PLCB1: variants seen among roughly 807,000 people sequenced by gnomAD.
PLCB1 encodes the protein 1-phosphatidylinositol 4,5-bisphosphate phosphodiesterase beta-1.
Under a neutral mutation model 161.8 loss-of-function variants are expected in PLCB1, and 46 were observed. The ratio of observed to expected loss-of-function variants is 0.28; its 90% CI spans 0.22 to 0.36. The LOEUF is 0.36. Ranked by LOEUF, PLCB1 falls within the 10% of genes least tolerant of loss-of-function variation. The pLI is 1.00. For missense variants in PLCB1, 1,016 were observed against 1,472.5 expected, an observed-to-expected ratio of 0.69 and a Z score of 5.07; for synonymous variants, 517 against 503.7, an observed-to-expected ratio of 1.03 and a Z score of -0.35.
chr20:8,732,716 C>A (rs1980325798), intron 18 of PLCB1, among the ~76,000 whole-genome samples: 2 of 138,952 alleles, frequency 1.4e-5, no homozygotes, highest in East Asian at 2.0e-4. Flanking sequence ...ATATATCATT[C>A]TAATATATCT....
At chr20:8,873,169 T>C (rs1305887309) in intron 31 of PLCB1, among the ~76,000 whole-genome samples, 2 of 152,212 alleles carry the variant, frequency 1.3e-5, no homozygotes, top group African/African-American at 4.8e-5. Context: ...GTGGTCACTT[T>C]CCAACAATCC....
intron 3 of PLCB1, among the ~76,000 whole-genome samples, chr20:8,430,384 T>G (rs1473479180): frequency 2.0e-5 from 3 of 152,010 alleles, no homozygotes; most frequent in Non-Finnish European, 4.4e-5. Flanking sequence ...AAGGCTGAAA[T>G]GTTTCAGGAA....
intron 3 of PLCB1, among the ~76,000 whole-genome samples, chr20:8,547,697 C>T (rs535170141): frequency 6.6e-6 from 1 of 152,306 alleles, no homozygotes. Context: ...TCTCTCCATC[C>T]TTCATTCATG....
In PLCB1 at chr20:8,758,243, AC is replaced by A. The variant is rs199764853; in HGVS notation, c.2656+1067del. 5.5e-3 allele frequency among the ~76,000 whole-genome samples: 827 copies of A among 150,636 alleles called. 6 individuals carry two copies. Among genetic ancestry groups the A allele is most frequent in the African/African-American group, 0.019 (792 of 40,828 alleles). ...GAGAAAGAGAATTAAAAAAAAAAAAACCAATTATATTTAATTTGTATCAGAC... is the reference window on the plus strand; with the variant it reads ...GAGAAAGAGAATTAAAAAAAAAAAAACAATTATATTTAATTTGTATCAGAC... On this transcript the variant is annotated intron_variant, in intron 24 of 31. Transcript: ENST00000338037.
intron 2 of PLCB1, among the ~76,000 whole-genome samples, chr20:8,157,489 G>A (rs993984523): frequency 6.6e-6 from 1 of 152,118 alleles, no homozygotes; most frequent in Non-Finnish European, 1.5e-5. Flanking sequence ...GATTGCTGAG[G>A]AACAAATCTA....
chr20:8,630,367 G>A (rs1196446696), intron 4 of PLCB1, among the ~76,000 whole-genome samples: 17 of 152,068 alleles, frequency 1.1e-4, no homozygotes, highest in Non-Finnish European at 2.9e-5. Flanking sequence ...TAACACTTAT[G>A]TAATATTGAC....
intron 2 of PLCB1, among the ~76,000 whole-genome samples, chr20:8,208,045 G>T (rs1211603895): frequency 6.6e-6 from 1 of 152,162 alleles, no homozygotes; most frequent in African/African-American, 2.4e-5. Flanking sequence ...TTTGCTGGGG[G>T]TTTAGTGCAC....
chr20:8,865,091 G>A (rs1016547349), intron 31 of PLCB1, among the ~76,000 whole-genome samples: 3 of 152,086 alleles, frequency 2.0e-5, no homozygotes, highest in African/African-American at 7.2e-5. Flanking sequence ...ACTTCACTGC[G>A]GCCATAGATT....
intron 1 of PLCB1, among the ~76,000 whole-genome samples, chr20:8,146,090 G>GTTTCTGTTT (rs2051450358): frequency 8.0e-6 from 1 of 124,380 alleles, no homozygotes; most frequent in Non-Finnish European, 1.6e-5. Context: ...TCTTCTTACT[G>GTTTCTGTTT]TTTTTGTTTT....
intron 2 of PLCB1, among the ~76,000 whole-genome samples, chr20:8,215,426 C>T (rs1042698471): frequency 3.9e-5 from 6 of 152,076 alleles, no homozygotes; most frequent in Admixed American, 6.6e-5. Flanking sequence ...AACATCATGT[C>T]GCCTCGCAAG....
intron 2 of PLCB1, among the ~76,000 whole-genome samples, chr20:8,287,341 A>T (rs955597328): frequency 1.3e-5 from 2 of 152,112 alleles, no homozygotes; most frequent in African/African-American, 4.8e-5. Flanking sequence ...TGTTTCTGGG[A>T]TCACGAATAT....
At chr20:8,677,360 G>A (rs954899304) in intron 9 of PLCB1, among the ~76,000 whole-genome samples, 6 of 152,056 alleles carry the variant, frequency 3.9e-5, no homozygotes, top group East Asian at 1.9e-4. Flanking sequence ...AGCCGAGATC[G>A]CACCATTGCA....
intron 2 of PLCB1, among the ~76,000 whole-genome samples, chr20:8,299,410 A>G (rs967611878): frequency 6.6e-6 from 1 of 152,044 alleles, no homozygotes; most frequent in Non-Finnish European, 1.5e-5. Context: ...ACACACACGT[A>G]GACACACACA....
At chr20:8,270,451 G>A (rs1203879261) in intron 2 of PLCB1, among the ~76,000 whole-genome samples, 2 of 152,174 alleles carry the variant, frequency 1.3e-5, no homozygotes, top group Non-Finnish European at 2.9e-5. Flanking sequence ...ACATGGGCAT[G>A]TAATAAATGG....
intron 2 of PLCB1, among the ~76,000 whole-genome samples, chr20:8,301,894 A>G (rs1225341490): frequency 1.3e-5 from 2 of 152,224 alleles, no homozygotes; most frequent in African/African-American, 2.4e-5. Context: ...TTGGCATCAG[A>G]CTGCCTTGAT....
At chr20:8,726,507 A>C (rs1036399134) in intron 16 of PLCB1, among the ~76,000 whole-genome samples, 8 of 152,114 alleles carry the variant, frequency 5.3e-5, no homozygotes, top group Non-Finnish European at 2.9e-5. Flanking sequence ...AGGAAACAAC[A>C]ATCATGAGGC....
intron 3 of PLCB1, among the ~76,000 whole-genome samples, chr20:8,513,080 A>G (rs923278055): frequency 6.6e-6 from 1 of 152,206 alleles, no homozygotes; most frequent in Admixed American, 6.5e-5. Context: ...TACTTAGTAT[A>G]ATGGCTTCAT....
chr20:8,521,054 A>G (rs530572668), intron 3 of PLCB1, among the ~76,000 whole-genome samples: 9 of 152,332 alleles, frequency 5.9e-5, no homozygotes, highest in Admixed American at 3.9e-4. Flanking sequence ...AGCTTCTTAT[A>G]GATAAGCTCA....
chr20:8,730,971 T>C (rs1184843994), intron 18 of PLCB1, among the ~76,000 whole-genome samples: 1 of 151,878 alleles, frequency 6.6e-6, no homozygotes, highest in Non-Finnish European at 1.5e-5. Flanking sequence ...GTTGGAATTT[T>C]TAGACACACA....
Sources: allele counts gnomAD v4.1 joint callset (sites outside exome capture counted in the v4.1 genomes callset), GRCh38; gene constraint gnomAD v4.1.1; transcripts MANE v1.5; gene names NCBI Gene and HGNC (gene_info 2026-07-23, HGNC 2026-07-21).